The following POC1A variants were observed in gnomAD, a reference collection of about 807,000 sequenced individuals.
The protein encoded by POC1A is POC1 centriolar protein A, also known as POC1 centriolar protein homolog A.
Under a neutral mutation model 47.8 loss-of-function variants are expected in POC1A, and 34 were observed. The observed-to-expected ratio is 0.71, with a 90% confidence interval of 0.54 to 0.95. The LOEUF (loss-of-function observed/expected upper bound fraction) is 0.95, where lower values mean the gene tolerates loss of function less well. POC1A is among the 40% of genes least tolerant of loss of function. The pLI, the probability that POC1A is intolerant of heterozygous loss-of-function variation, is 0.00. For synonymous variants in POC1A, 177 were observed against 207.6 expected, an observed-to-expected ratio of 0.85 and a Z score of 1.27; for missense variants, 466 against 528.3, an observed-to-expected ratio of 0.88 and a Z score of 1.16.
chr3:52,096,892 C>G (rs1041698011), intron 9 of POC1A, among the ~76,000 whole-genome samples, 180 bp from the exon 10 acceptor site: 1 of 152,244 alleles, frequency 6.6e-6, no homozygotes, highest in Non-Finnish European at 1.5e-5. Context: ...CACACACATA[C>G]CTTTCCAGGC....
At chr3:52,076,148 G>T (rs1382175365) in intron 10 of POC1A, among the ~76,000 whole-genome samples, 163 bp from the exon 11 acceptor site, 1 of 152,182 alleles carries the variant, frequency 6.6e-6, no homozygotes, top group African/African-American at 2.4e-5. Flanking sequence ...TGGTGCTATT[G>T]GGATAGCCCT....
In POC1A at chr3:52,090,525, G is replaced by T. The variant is rs1702608954; in HGVS notation, c.1125+6044C>A. Among the ~76,000 whole-genome samples the T allele has an allele frequency of 6.6e-6, 1 of 152,128 alleles. No homozygotes were observed. The highest frequency in any genetic ancestry group is 1.5e-5 in the Non-Finnish European group (1 of 68,020). On this transcript the variant is annotated intron_variant, in intron 10 of 10. Coordinates refer to ENST00000296484, the MANE Select transcript of POC1A (RefSeq NM_015426.5). This position sits in a 1 kb window ranked among gnomAD's most constrained non-coding sequence, Gnocchi z 4.2. ...GACACCACTGAAACCTGTTACTCCT[G>T]AGGGCAGCTGAGCACTGTGCAGCAG...
chr3:52,125,873 G>A (rs1267425505), intron 7 of POC1A, among the ~76,000 whole-genome samples: 1 of 152,198 alleles, frequency 6.6e-6, no homozygotes, highest in Non-Finnish European at 1.5e-5. Context: ...ACGCCAGGCC[G>A]CACTCCAAGG....
chr3:52,113,283 G>C (rs1394979619), intron 9 of POC1A, among the ~76,000 whole-genome samples: 3 of 152,216 alleles, frequency 2.0e-5, no homozygotes, highest in Non-Finnish European at 4.4e-5. Flanking sequence ...ACCCTGCCCT[G>C]GGCCTGGGTG....
At chr3:52,095,239 T>C (rs1446387535) in intron 10 of POC1A, among the ~76,000 whole-genome samples, 1 of 152,192 alleles carries the variant, frequency 6.6e-6, no homozygotes, top group East Asian at 1.9e-4. Flanking sequence ...TCTCAGGGCT[T>C]AGCAGCCTCT....
At position 52,105,963 on chromosome 3, in the gene POC1A, G is replaced by C. The variant is rs535892468; in HGVS notation, c.982-9251C>G. Among the ~76,000 whole-genome samples, 4 of 152,322 alleles carry C rather than the reference G, an allele frequency of 2.6e-5. 1 individual carries two copies. In the South Asian group the frequency reaches 8.3e-4, roughly 32 times the overall value. ...TAATCCCAGCACTTTGGGAGGCTGA[G>C]GCGGGCGGATCACGAGGTCAGGAGA... On this transcript the variant is annotated intron_variant, in intron 9 of 10. Transcript: ENST00000296484.
chr3:52,094,675 G>T (rs531889859), intron 10 of POC1A, among the ~76,000 whole-genome samples: 4 of 152,268 alleles, frequency 2.6e-5, no homozygotes, highest in Non-Finnish European at 5.9e-5. Flanking sequence ...CATTGAGTCC[G>T]TCAAGAACAT....
At chr3:52,080,090 C>T (rs1056734731) in intron 10 of POC1A, among the ~76,000 whole-genome samples, 2 of 152,192 alleles carry the variant, frequency 1.3e-5, no homozygotes, top group East Asian at 1.9e-4. Flanking sequence ...AAAACTTCAA[C>T]AAACCTTCAG....
chr3:52,126,880 AT>A (rs2107112998), intron 7 of POC1A, among the ~76,000 whole-genome samples: 2 of 152,314 alleles, frequency 1.3e-5, no homozygotes, highest in Non-Finnish European at 2.9e-5. Context: ...AACATCTCCC[AT>A]TATGCCCCAC....
At chr3:52,080,721 A>G (rs1270386076) in intron 10 of POC1A, among the ~76,000 whole-genome samples, 1 of 152,244 alleles carries the variant, frequency 6.6e-6, no homozygotes, top group Non-Finnish European at 1.5e-5. Flanking sequence ...CGCTTCTTTC[A>G]CTGGCACTTG....
intron 9 of POC1A, among the ~76,000 whole-genome samples, chr3:52,112,870 A>T (rs1437664472): frequency 6.6e-6 from 1 of 152,166 alleles, no homozygotes; most frequent in Admixed American, 6.5e-5. Flanking sequence ...AACAGGCTAG[A>T]CTGTTTTCCA....
chr3:52,116,013 A>G (rs894406438), intron 9 of POC1A, among the ~76,000 whole-genome samples: 1 of 152,182 alleles, frequency 6.6e-6, no homozygotes, highest in African/African-American at 2.4e-5. Flanking sequence ...TACTTCTGAA[A>G]TGTATACAAA....
chr3:52,135,335 G>A (rs370520423), intron 7 of POC1A, among the ~76,000 whole-genome samples: 3 of 152,220 alleles, frequency 2.0e-5, no homozygotes, highest in South Asian at 2.1e-4. Context: ...AAGGCTCCTC[G>A]ATTGCACTAT....
chr3:52,153,954 C>G (rs573490241), intron 1 of POC1A, among the ~76,000 whole-genome samples: 15 of 152,370 alleles, frequency 9.8e-5, no homozygotes, highest in Admixed American at 2.0e-4. Context: ...GGCATCCCAG[C>G]GTCCTGCTGT....
rs114059763 is a variant in POC1A, at chr3:52,093,165, C to T, written c.1125+3404G>A. Among the ~76,000 whole-genome samples the T allele has an allele frequency of 6.9e-3, 1,051 of 152,336 alleles. 15 individuals carry two copies. The highest frequency in any genetic ancestry group is 0.024 in the African/African-American group (1,001 of 41,570). ...TACCCCACACCAGAGGACCCATGGCCTTGACCCGGTGTCTGGACTCCCACT... is the reference window on the plus strand; with the variant it reads ...TACCCCACACCAGAGGACCCATGGCTTTGACCCGGTGTCTGGACTCCCACT... On this transcript the variant is annotated intron_variant, in intron 10 of 10. Transcript: ENST00000296484.
chr3:52,085,132 CT>C (rs967178960), intron 10 of POC1A, among the ~76,000 whole-genome samples: 3 of 152,168 alleles, frequency 2.0e-5, no homozygotes, highest in Admixed American at 6.5e-5. Context: ...CCAGGCCCCC[CT>C]GGCGGCCACA....
rs1184314971 is a variant in POC1A, at chr3:52,125,106, T to C, written c.882+7A>G. On this transcript the variant is annotated splice_region_variant and intron_variant, in intron 8 of 10. Coordinates refer to ENST00000296484, the MANE Select transcript of POC1A (RefSeq NM_015426.5). Reference sequence around the variant, plus strand: ...TTCACCATTCCATTCGACTACTCTTTACTTACTTGTTCATCAGAGCCTCCA... The same window carrying C: ...TTCACCATTCCATTCGACTACTCTTCACTTACTTGTTCATCAGAGCCTCCA... 6.2e-6 allele frequency: 10 copies of C among 1,600,778 alleles called. No homozygotes were observed. Among genetic ancestry groups the C allele is most frequent in the Non-Finnish European group, 7.7e-6 (9 of 1,167,948 alleles).
intron 10 of POC1A, among the ~76,000 whole-genome samples, chr3:52,081,820 G>A (rs1702304527): frequency 6.6e-6 from 1 of 152,170 alleles, no homozygotes; most frequent in Non-Finnish European, 1.5e-5. Context: ...GCAGGCAAGA[G>A]AGAACGAGAG....
At chr3:52,134,849 TAGGAC>T (rs996991795) in intron 7 of POC1A, among the ~76,000 whole-genome samples, 2 of 148,090 alleles carry the variant, frequency 1.4e-5, no homozygotes, top group African/African-American at 5.0e-5. Context: ...TCCTTATCCA[TAGGAC>T]AGAAGCCCCA....
Sources: allele counts gnomAD v4.1 joint callset (sites outside exome capture counted in the v4.1 genomes callset), GRCh38; gene constraint gnomAD v4.1.1; non-coding constraint Gnocchi (gnomAD v3.1); transcripts MANE v1.5; gene names NCBI Gene and HGNC (gene_info 2026-07-23, HGNC 2026-07-21).